Variants in PRRC2B observed in about 807,000 individuals in gnomAD.
The protein encoded by PRRC2B is protein PRRC2B.
A neutral mutation model predicts 242.3 loss-of-function variants in PRRC2B; 68 were observed. That is an observed-to-expected ratio of 0.28 (90% CI 0.23 to 0.34). The LOEUF (loss-of-function observed/expected upper bound fraction) is 0.34. Among genes scored for constraint, PRRC2B ranks in the 10% least tolerant of loss-of-function variants. The pLI is 1.00. For synonymous variants in PRRC2B, 1,228 were observed against 1,173.6 expected, an observed-to-expected ratio of 1.05 and a Z score of -0.95; for missense variants, 2,835 against 2,954.8, an observed-to-expected ratio of 0.96 and a Z score of 0.94.
At chr9:131,416,361 C>T (rs753387781) in intron 1 of PRRC2B, among the ~76,000 whole-genome samples, 5 of 152,146 alleles carry the variant, frequency 3.3e-5, no homozygotes, top group African/African-American at 4.8e-5. Context: ...CCGCCTCGGC[C>T]TCCCAAAGTG....
intron 1 of PRRC2B, among the ~76,000 whole-genome samples, chr9:131,379,839 T>C (rs1181721506): frequency 1.3e-5 from 2 of 151,522 alleles, no homozygotes; most frequent in Non-Finnish European, 3.0e-5. Flanking sequence ...TTGGCTAGGC[T>C]GGCCTTTAAC....
At position 131,495,791 on chromosome 9, in the gene PRRC2B, G is replaced by A; in HGVS notation, c.6607G>A (p.Glu2203Lys). 2 of 1,612,984 alleles carry A rather than the reference G, an allele frequency of 1.2e-6. No homozygotes were observed. Among genetic ancestry groups the A allele is most frequent in the South Asian group, 2.2e-5 (2 of 91,080 alleles). The change falls in exon 32 of 32, where the codon GAG becomes AAG. Residue 2203 changes from glutamate to lysine, a missense_variant. Around this residue, in one of 7 missense-constraint regions of PRRC2B, gnomAD observed 574 missense variants for 626.0 expected, o/e 0.92. Coordinates refer to ENST00000683519, the MANE Select transcript of PRRC2B (RefSeq NM_013318.4). ...KPSLGAVKLQ[E>K]APSAASQMKR... ...CAGCCTGGGAGCCGTGAAGCTGCAG[G>A]AGGCCCCCTCGGCTGCCTCCCAGAT... is the stretch of plus-strand genomic sequence containing the variant.
chr9:131,426,331 C>CT (rs1185422672), intron 1 of PRRC2B, among the ~76,000 whole-genome samples: 2 of 49,738 alleles, frequency 4.0e-5, no homozygotes, highest in Non-Finnish European at 7.0e-5. Context: ...GAAAGAAACT[C>CT]TGTCTCAAAA....
rs1386091517 is a variant in PRRC2B, at chr9:131,394,280, G to C, written c.-52+17G>C. 2 of 147,208 alleles carry C rather than the reference G, an allele frequency of 1.4e-5. No homozygotes were observed. Among genetic ancestry groups the C allele is most frequent in the Non-Finnish European group, 3.0e-5 (2 of 65,824 alleles). The allele number at this position is 147,208 out of a possible 1,614,324, so 9.1% of individuals were successfully genotyped here. ...CCAGACCAGGTGGGTCGGGGCCGGG[G>C]CCGGGGCCGGGGCGTGGGGGCGGCG... On this transcript the variant is annotated intron_variant, in intron 1 of 31. Transcript: ENST00000683519.
chr9:131,441,950 A>T (rs1429685785), intron 5 of PRRC2B, among the ~76,000 whole-genome samples: 1 of 148,708 alleles, frequency 6.7e-6, no homozygotes. Flanking sequence ...AAACATTGGG[A>T]CCTTATGAAT....
chr9:131,461,243 C>T (rs1397351165), intron 11 of PRRC2B, among the ~76,000 whole-genome samples: 2 of 152,196 alleles, frequency 1.3e-5, no homozygotes, highest in African/African-American at 4.8e-5. Context: ...TGTCATTGTC[C>T]CCACTCCTGG....
intron 19 of PRRC2B, among the ~76,000 whole-genome samples, chr9:131,480,432 C>T (rs1943824797): frequency 6.6e-6 from 1 of 152,038 alleles, no homozygotes; most frequent in South Asian, 2.1e-4. Context: ...CCAAAAATGC[C>T]CAGGTGCCAG....
upstream of PRRC2B, among the ~76,000 whole-genome samples, chr9:131,393,881 C>CCCCCTCCCGCCGCTCCCCG (rs1370029427): frequency 1.3e-5 from 2 of 151,066 alleles, no homozygotes; most frequent in Admixed American, 6.6e-5. Context: ...CCCCTCCCAG[C>CCCCCTCCCGCCGCTCCCCG]CCCCTCCCGC....
In PRRC2B at chr9:131,497,836, C is replaced by T. The variant is rs1246573534; in HGVS notation, c.*1962C>T. 1.3e-5 allele frequency: 2 copies of T among 152,362 alleles called. No homozygotes were observed. Among genetic ancestry groups the T allele is most frequent in the African/African-American group, 4.8e-5 (2 of 41,446 alleles). The allele number at this position is 152,362 out of a possible 1,614,324, so 9.4% of individuals were successfully genotyped here. On this transcript the variant is annotated 3_prime_UTR_variant, in exon 32 of 32. Coordinates refer to ENST00000683519, the MANE Select transcript of PRRC2B (RefSeq NM_013318.4). ...GCCCACCCGACAGTTCCAGGCATTC[C>T]CTACCTGAGCTTCTTGTCTGCTTTT...
At chr9:131,411,074 G>A (rs759914264) in intron 1 of PRRC2B, among the ~76,000 whole-genome samples, 1 of 151,962 alleles carries the variant, frequency 6.6e-6, no homozygotes, top group African/African-American at 2.4e-5. Flanking sequence ...TGGCCAACAT[G>A]GTGAAACCCC....
intron 1 of PRRC2B, among the ~76,000 whole-genome samples, chr9:131,404,585 T>A (rs1837315005): frequency 1.3e-5 from 1 of 75,338 alleles, no homozygotes; most frequent in African/African-American, 3.4e-5. Flanking sequence ...TCTTCCCCAC[T>A]CTCTCTGAAA....
rs781080972 is a variant in PRRC2B, at chr9:131,474,510, G to A, written c.2381G>A (p.Arg794His). The change falls in exon 16 of 32, where the codon CGC becomes CAC. Residue 794 changes from arginine (R) to histidine (H), a missense_variant. By Grantham distance (29) the Arg-to-His change is conservative. Coordinates refer to ENST00000683519, the MANE Select transcript of PRRC2B (RefSeq NM_013318.4). ...AGGGCAGGGGGCGTAAGTGCTCAGCGCGATCTCTTTGAGGAGAGAGGGGAG... is the reference window on the plus strand; with the variant it reads ...AGGGCAGGGGGCGTAAGTGCTCAGCACGATCTCTTTGAGGAGAGAGGGGAG... ...LGRAGGVSAQ[R>H]DLFEERGEEY... The A allele has an allele frequency of 7.4e-6, 12 of 1,613,876 alleles. No homozygotes were observed. Among genetic ancestry groups the A allele is most frequent in the Non-Finnish European group, 8.5e-6 (10 of 1,179,906 alleles).
intron 13 of PRRC2B, among the ~76,000 whole-genome samples, chr9:131,470,134 A>G (rs1387279295): frequency 6.6e-6 from 1 of 152,084 alleles, no homozygotes; most frequent in African/African-American, 2.4e-5. Flanking sequence ...GGATATATGG[A>G]GCAGAAAGTG....
In PRRC2B at chr9:131,470,817, G is replaced by A. The variant is rs1258444590; in HGVS notation, c.1941G>A (p.Gln647=). ...QEQLYKMQHW[Q]PVYPPPSHPQ... The stretch of plus-strand genomic sequence containing the variant: ...AGCTGTACAAGATGCAGCACTGGCA[G>A]CCGGTGTACCCCCCGCCGTCCCACC... The change falls in exon 14 of 32, where the codon CAG becomes CAA. Residue 647 remains glutamine, a synonymous_variant. Transcript: ENST00000683519. 6.2e-7 allele frequency: 1 copy of A among 1,612,790 alleles called. No homozygotes were observed. The highest frequency in any genetic ancestry group is 1.7e-5 in the Admixed American group (1 of 59,984).
At chr9:131,488,695 T>C (rs2131476344) in intron 28 of PRRC2B, among the ~76,000 whole-genome samples, 1 of 152,222 alleles carries the variant, frequency 6.6e-6, no homozygotes, top group Middle Eastern at 3.4e-3. Context: ...AGAGTCCTCT[T>C]TGTGTAGTTG....
At chr9:131,455,031 T>C (rs1943032728) in intron 9 of PRRC2B, 45 bp from the exon 10 acceptor site, 1 of 1,517,790 alleles carries the variant, frequency 6.6e-7, no homozygotes, top group Admixed American at 1.8e-5. Flanking sequence ...CACCACTGAC[T>C]TTTTCATTCT....
Position 131,473,537 on chromosome 9 carries a change from TC to T in PRRC2B, c.2140del (p.Leu714SerfsTer22). The T allele has an allele frequency of 6.2e-7, 1 of 1,606,392 alleles. No homozygotes were observed. Among genetic ancestry groups the T allele is most frequent in the Non-Finnish European group, 8.5e-7 (1 of 1,176,570 alleles). On this transcript the variant is annotated frameshift_variant, in exon 15 of 32. Coordinates refer to ENST00000683519, the MANE Select transcript of PRRC2B (RefSeq NM_013318.4). LOFTEE classifies it high-confidence loss of function. ...GATGAAGCCCATGATGCCCCAGGAGTCCCTCAATGGGACAGGCTGTCGCTCT... is the reference window on the plus strand; with the variant it reads ...GATGAAGCCCATGATGCCCCAGGAGTCCTCAATGGGACAGGCTGTCGCTCT... Reference protein sequence around the residue: ...GLMKPMMPQESLNGTGCRSED... With the variant: ...GLMKPMMPQEXLNGTGCRSED...
In PRRC2B at chr9:131,474,361, G is replaced by GT. The variant is rs1943628918; in HGVS notation, c.2325-87dup. The GT allele has an allele frequency of 3.6e-6, 4 of 1,113,728 alleles. No individual in the cohort carries two copies. In the Admixed American group the frequency reaches 7.7e-5, roughly 21 times the overall value. The allele number at this position is 1,113,728 out of a possible 1,614,324, so 69.0% of individuals were successfully genotyped here. On this transcript the variant is annotated intron_variant, in intron 15 of 31. Coordinates refer to ENST00000683519, the MANE Select transcript of PRRC2B (RefSeq NM_013318.4). ...AAAAAGTGTTTTAGTTTTTGTTTTT[G>GT]TTTTTTCTTTTTAAAACTAAGCTCT...
At chr9:131,397,896 A>G (rs1200022028) in intron 1 of PRRC2B, among the ~76,000 whole-genome samples, 2 of 152,140 alleles carry the variant, frequency 1.3e-5, no homozygotes, top group African/African-American at 4.8e-5. Flanking sequence ...AAATCTTGTA[A>G]TTTTGGTTTT....
Sources: allele counts gnomAD v4.1 joint callset (sites outside exome capture counted in the v4.1 genomes callset), GRCh38; gene constraint gnomAD v4.1.1; regional missense constraint gnomAD v4.1.1; transcripts MANE v1.5; gene names NCBI Gene and HGNC (gene_info 2026-07-23, HGNC 2026-07-21).